PPP2R2C: variants seen among roughly 807,000 people sequenced by gnomAD.
PPP2R2C encodes protein phosphatase 2 regulatory subunit Bgamma, also known as protein phosphatase 2, regulatory subunit B, gamma.
In PPP2R2C, 10 loss-of-function variants were observed where a neutral mutation model predicts 45.3. That is an observed-to-expected ratio of 0.22 (90% CI 0.14 to 0.37). The LOEUF (loss-of-function observed/expected upper bound fraction) is 0.37, where lower values mean the gene tolerates loss of function less well. PPP2R2C is among the 10% of genes least tolerant of loss of function. The probability of loss-of-function intolerance (pLI) is 1.00; values close to 1 mark genes in which losing one functional copy is unlikely to be tolerated. For synonymous variants in PPP2R2C, 257 were observed against 245.4 expected (o/e 1.05, Z -0.44); for missense variants, 308 against 619.7 (o/e 0.50, Z 5.34).
At chr4:6,363,879 C>T (rs892483672) in intron 5 of PPP2R2C, among the ~76,000 whole-genome samples, 6 of 152,328 alleles carry the variant, frequency 3.9e-5, no homozygotes, top group South Asian at 2.1e-4. Flanking sequence ...CAGGGGACCA[C>T]GTGGCAGGTC....
chr4:6,487,371 T>TA (rs1722561269), intron 2 of PPP2R2C, among the ~76,000 whole-genome samples: 1 of 151,890 alleles, frequency 6.6e-6, no homozygotes, highest in Admixed American at 6.6e-5. Flanking sequence ...AGCACATCCT[T>TA]TAACATTTCT....
chr4:6,360,850 G>C (rs1713669182), intron 5 of PPP2R2C, among the ~76,000 whole-genome samples: 1 of 152,116 alleles, frequency 6.6e-6, no homozygotes, highest in South Asian at 2.1e-4. Context: ...GTGTTAGCAG[G>C]GCTGGCTCCT....
At chr4:6,539,794 G>A (rs1341556587) in intron 1 of PPP2R2C, among the ~76,000 whole-genome samples, 1 of 152,128 alleles carries the variant, frequency 6.6e-6, no homozygotes, top group African/African-American at 2.4e-5. Context: ...ACAACCTTGC[G>A]GGCGATACAG....
At chr4:6,465,392 A>G (rs1309341292) in intron 1 of PPP2R2C, among the ~76,000 whole-genome samples, 1 of 152,138 alleles carries the variant, frequency 6.6e-6, no homozygotes. Flanking sequence ...GAGCTGCCCA[A>G]TGGATGGCAG....
At chr4:6,522,189 A>G (rs1453318146) in intron 2 of PPP2R2C, among the ~76,000 whole-genome samples, 1 of 151,926 alleles carries the variant, frequency 6.6e-6, no homozygotes, top group Non-Finnish European at 1.5e-5. Context: ...AGTCTGCCCT[A>G]CCCCAGGAAG....
intron 1 of PPP2R2C, among the ~76,000 whole-genome samples, chr4:6,404,897 C>A (rs906799076): frequency 2.0e-5 from 3 of 152,218 alleles, no homozygotes; most frequent in Admixed American, 2.0e-4. Context: ...GTCCGCCCTG[C>A]CCCGTGTCCT....
chr4:6,443,771 C>A (rs1720274860), intron 1 of PPP2R2C, among the ~76,000 whole-genome samples: 1 of 152,088 alleles, frequency 6.6e-6, no homozygotes, highest in Admixed American at 6.5e-5. Flanking sequence ...CCCTCCCCAC[C>A]CCACCGCCCC....
chr4:6,505,209 T>C (rs1213747802), intron 2 of PPP2R2C, among the ~76,000 whole-genome samples: 1 of 151,778 alleles, frequency 6.6e-6, no homozygotes, highest in Non-Finnish European at 1.5e-5. Context: ...AGTGAAAATA[T>C]CCTTCAATTA....
chr4:6,511,532 T>TGATGGC (rs1723491658), intron 2 of PPP2R2C, among the ~76,000 whole-genome samples: 1 of 48,642 alleles, frequency 2.1e-5, no homozygotes, highest in Non-Finnish European at 4.6e-5. Flanking sequence ...GTGATGGTGG[T>TGATGGC]GGTGGTGGTG....
intron 1 of PPP2R2C, among the ~76,000 whole-genome samples, chr4:6,561,292 T>C (rs1236505637): frequency 6.6e-6 from 1 of 152,132 alleles, no homozygotes; most frequent in Non-Finnish European, 1.5e-5. Context: ...AGCATCCCCA[T>C]GCCCAAAGGA....
intron 1 of PPP2R2C, chr4:6,382,463 G>A (rs757529185): frequency 1.0e-5 from 14 of 1,351,894 alleles, no homozygotes; most frequent in Middle Eastern, 2.1e-4. Context: ...CCAAACTCCT[G>A]AGCCAGTGCA....
At chr4:6,461,917 G>T (rs1039105537) in intron 1 of PPP2R2C, among the ~76,000 whole-genome samples, 2 of 152,220 alleles carry the variant, frequency 1.3e-5, no homozygotes, top group Non-Finnish European at 2.9e-5. Context: ...GGACCCACAG[G>T]CACCAGGCCC....
intron 6 of PPP2R2C, among the ~76,000 whole-genome samples, chr4:6,343,630 G>A (rs770471796): frequency 1.3e-5 from 2 of 152,122 alleles, no homozygotes; most frequent in African/African-American, 4.8e-5. Context: ...TGAGGTGAGA[G>A]AATCCCTTGA....
At chr4:6,414,266 G>A (rs867240309) in intron 1 of PPP2R2C, among the ~76,000 whole-genome samples, 12 of 152,152 alleles carry the variant, frequency 7.9e-5, no homozygotes, top group African/African-American at 2.7e-4. Context: ...GGATTTATTC[G>A]GCAGCACCCT....
chr4:6,335,733 G>C (rs1028237451), intron 6 of PPP2R2C, among the ~76,000 whole-genome samples: 1 of 152,024 alleles, frequency 6.6e-6, no homozygotes, highest in Non-Finnish European at 1.5e-5. Flanking sequence ...CATGCAGGGA[G>C]GTGAGGGGAG....
At chr4:6,447,223 G>C (rs936043403) in intron 1 of PPP2R2C, among the ~76,000 whole-genome samples, 3 of 152,110 alleles carry the variant, frequency 2.0e-5, no homozygotes, top group Non-Finnish European at 4.4e-5. Context: ...AGCCACTCTC[G>C]GGTCGGTGCC....
intron 1 of PPP2R2C, among the ~76,000 whole-genome samples, chr4:6,426,454 A>G (rs1387964476): frequency 6.6e-6 from 1 of 152,232 alleles, no homozygotes; most frequent in African/African-American, 2.4e-5. Flanking sequence ...TGGCTTCAGG[A>G]AGAACAGACT....
At chr4:6,399,775 G>A (rs956904118) in intron 1 of PPP2R2C, among the ~76,000 whole-genome samples, 58 of 152,350 alleles carry the variant, frequency 3.8e-4, no homozygotes, top group African/African-American at 1.3e-3. Context: ...GGGTTCAGGT[G>A]AGCTAATGGG....
intron 1 of PPP2R2C, among the ~76,000 whole-genome samples, chr4:6,441,641 A>C (rs1193758317): frequency 6.6e-6 from 1 of 152,132 alleles, no homozygotes; most frequent in African/African-American, 2.4e-5. Flanking sequence ...CTCTACCCTC[A>C]TCCATGCCCA....
Sources: gnomAD v4.1 joint callset for allele counts (sites outside exome capture counted in the v4.1 genomes callset) on GRCh38, gnomAD v4.1.1 for gene constraint, MANE v1.5 for transcripts, NCBI Gene and HGNC (gene_info 2026-07-23, HGNC 2026-07-21) for gene names.